PTPRD: variants seen among roughly 807,000 people sequenced by gnomAD.
The protein encoded by PTPRD is receptor-type tyrosine-protein phosphatase delta.
Under a neutral mutation model 214.5 loss-of-function variants are expected in PTPRD, and 34 were observed. That is an observed-to-expected ratio of 0.16 (90% CI 0.12 to 0.21). PTPRD has a LOEUF of 0.21. Ranked by LOEUF, PTPRD falls within the 10% of genes least tolerant of loss-of-function variation. PTPRD has a pLI of 1.00. For missense variants in PTPRD, 2,545 were observed against 2,398.7 expected (o/e 1.06, Z -1.27); for synonymous variants, 1,128 against 845.7 (o/e 1.33, Z -5.79).
intron 7 of PTPRD, among the ~76,000 whole-genome samples, chr9:9,671,369 C>T (rs2096829274): frequency 6.6e-6 from 1 of 152,104 alleles, no homozygotes; most frequent in Non-Finnish European, 1.5e-5. Flanking sequence ...ATTTTACAGG[C>T]TCATAGGCAG....
chr9:10,590,147 G>T (rs58213515), intron 2 of PTPRD, among the ~76,000 whole-genome samples: 3,275 of 152,054 alleles, frequency 0.022, 118 homozygotes, highest in African/African-American at 0.074. Context: ...GTGATAATTA[G>T]CAAGATTCAA....
intron 2 of PTPRD, among the ~76,000 whole-genome samples, chr9:10,555,383 A>G (rs77888597): frequency 0.051 from 7,831 of 152,312 alleles, 277 homozygotes; most frequent in Middle Eastern, 0.082. Context: ...TTCAAATTGT[A>G]TCAATAGGAA....
chr9:9,047,671 G>C (rs1411380367), intron 10 of PTPRD, among the ~76,000 whole-genome samples: 1 of 152,062 alleles, frequency 6.6e-6, no homozygotes, highest in African/African-American at 2.4e-5. Context: ...TCAATAAATG[G>C]TGCTGGGAAA....
intron 14 of PTPRD, among the ~76,000 whole-genome samples, chr9:8,633,102 C>CT (rs1473574110): frequency 6.6e-6 from 1 of 151,854 alleles, no homozygotes; most frequent in Non-Finnish European, 1.5e-5. Flanking sequence ...CTTTTTTCAG[C>CT]TTTTTTACCT....
At chr9:10,077,969 T>C (rs1394666365) in intron 3 of PTPRD, among the ~76,000 whole-genome samples, 1 of 152,090 alleles carries the variant, frequency 6.6e-6, no homozygotes, top group Non-Finnish European at 1.5e-5. Flanking sequence ...CACATTCATA[T>C]TTGTATCTCC....
intron 11 of PTPRD, among the ~76,000 whole-genome samples, chr9:8,836,624 G>T: frequency 8.9e-6 from 1 of 111,972 alleles, no homozygotes. Flanking sequence ...TTAAGACGGA[G>T]TCTCGCTCTG....
At chr9:9,168,473 C>CA (rs1357110729) in intron 10 of PTPRD, among the ~76,000 whole-genome samples, 2 of 151,972 alleles carry the variant, frequency 1.3e-5, no homozygotes, top group African/African-American at 4.8e-5. Flanking sequence ...TTTTGAAATA[C>CA]AATGGCATAA....
intron 3 of PTPRD, among the ~76,000 whole-genome samples, chr9:10,059,703 T>C (rs1294757167): frequency 6.6e-6 from 1 of 151,856 alleles, no homozygotes; most frequent in Non-Finnish European, 1.5e-5. Flanking sequence ...TTACTACATC[T>C]CAAATCGTTT....
At chr9:10,134,472 G>A (rs2098927465) in intron 3 of PTPRD, among the ~76,000 whole-genome samples, 1 of 152,140 alleles carries the variant, frequency 6.6e-6, no homozygotes. Context: ...CTATGTAAAT[G>A]CCTAACTGCT....
chr9:9,373,695 G>C (rs1025547425), intron 9 of PTPRD, among the ~76,000 whole-genome samples: 1 of 151,878 alleles, frequency 6.6e-6, no homozygotes, highest in Non-Finnish European at 1.5e-5. Context: ...AGAAATTTGT[G>C]ATTACATTAG....
chr9:10,173,049 CAAAT>C (rs774196268), intron 3 of PTPRD, among the ~76,000 whole-genome samples: 1 of 151,984 alleles, frequency 6.6e-6, no homozygotes, highest in Non-Finnish European at 1.5e-5. Flanking sequence ...AATTACCTAA[CAAAT>C]AATTCATATT....
At chr9:10,476,236 CAT>C (rs1005915964) in intron 2 of PTPRD, among the ~76,000 whole-genome samples, 1 of 152,098 alleles carries the variant, frequency 6.6e-6, no homozygotes, top group Non-Finnish European at 1.5e-5. Context: ...TAGAAAACCC[CAT>C]AGTCTCAGCC....
rs137883212 is a variant in PTPRD at position 8,839,974 on chromosome 9, C to G, written c.-103-106028G>C. 2.7e-4 allele frequency among the ~76,000 whole-genome samples: 41 copies of G among 152,284 alleles called. No individual in the cohort carries two copies. In the East Asian group the frequency reaches 7.1e-3, roughly 27 times the overall value. On this transcript the variant is annotated intron_variant, in intron 11 of 45. Coordinates refer to ENST00000381196, the MANE Select transcript of PTPRD (RefSeq NM_002839.4). Reference sequence around the variant, plus strand: ...ATCACAAAAATTACTCGAGTTAGAACAGTGTGTTGTTTTCAGATAAAAGGA... The same window carrying G: ...ATCACAAAAATTACTCGAGTTAGAAGAGTGTGTTGTTTTCAGATAAAAGGA...
chr9:9,320,908 T>C (rs1412595326), intron 9 of PTPRD, among the ~76,000 whole-genome samples: 1 of 152,154 alleles, frequency 6.6e-6, no homozygotes, highest in African/African-American at 2.4e-5. Context: ...CAGATAAGAA[T>C]TTGTCCTCTA....
At chr9:8,703,581 T>C (rs896475744) in intron 12 of PTPRD, among the ~76,000 whole-genome samples, 1 of 152,168 alleles carries the variant, frequency 6.6e-6, no homozygotes, top group Non-Finnish European at 1.5e-5. Context: ...TCCAACTCTA[T>C]TGTTTTTCTT....
At chr9:9,576,076 T>C (rs888605949) in intron 7 of PTPRD, among the ~76,000 whole-genome samples, 3 of 152,312 alleles carry the variant, frequency 2.0e-5, no homozygotes, top group African/African-American at 4.8e-5. Context: ...AAAGTTATAA[T>C]AGATTGAGTC....
chr9:9,334,453 C>G (rs576495211), intron 9 of PTPRD, among the ~76,000 whole-genome samples: 2 of 151,970 alleles, frequency 1.3e-5, no homozygotes, highest in South Asian at 4.2e-4. Context: ...GTGGGGATTT[C>G]ATAATAGTTT....
intron 7 of PTPRD, among the ~76,000 whole-genome samples, chr9:9,722,005 T>C (rs911057475): frequency 6.6e-6 from 1 of 152,014 alleles, no homozygotes; most frequent in Admixed American, 6.6e-5. Context: ...TGTTAGAGAG[T>C]CTTATCTCCT....
intron 11 of PTPRD, among the ~76,000 whole-genome samples, chr9:8,975,419 A>T (rs964336527): frequency 6.6e-6 from 1 of 152,122 alleles, no homozygotes; most frequent in African/African-American, 2.4e-5. Flanking sequence ...ATTGAAAAGA[A>T]ATAATTGATT....
Sources: gnomAD v4.1 joint callset for allele counts (sites outside exome capture counted in the v4.1 genomes callset) on GRCh38, gnomAD v4.1.1 for gene constraint, MANE v1.5 for transcripts, NCBI Gene and HGNC (gene_info 2026-07-23, HGNC 2026-07-21) for gene names.